RBPJL: variants seen among roughly 807,000 people sequenced by gnomAD.
The protein encoded by RBPJL is recombination signal binding protein for immunoglobulin kappa J region like.
In RBPJL, 50 loss-of-function variants were observed where a neutral mutation model predicts 57.6. The ratio of observed to expected loss-of-function variants is 0.87; its 90% confidence interval spans 0.69 to 1.10. The LOEUF (loss-of-function observed/expected upper bound fraction) is 1.10. Among genes scored for constraint, RBPJL ranks in the 50% least tolerant of loss-of-function variants. The pLI is 0.00. For missense variants in RBPJL, 684 were observed against 693.7 expected (o/e 0.99, Z 0.16); for synonymous variants, 303 against 294.4 (o/e 1.03, Z -0.30).
At chr20:45,308,643 G>A in intron 2 of RBPJL, 1 of 224,188 alleles carries the variant, frequency 4.5e-6, no homozygotes, top group Non-Finnish European at 9.1e-6. Context: ...CGAGGGTGCG[G>A]TCTTGCGCTG....
At chr20:45,309,467 C>G in intron 2 of RBPJL, 100 bp from the exon 3 acceptor site, 2 of 1,332,356 alleles carry the variant, frequency 1.5e-6, no homozygotes, top group Non-Finnish European at 2.0e-6. Context: ...CACTCTAACC[C>G]CCTGCTCACT....
At position 45,317,171 on chromosome 20, in the gene RBPJL, T is replaced by A. The variant is rs1232055516; in HGVS notation, c.*212T>A. ...CAGGAAGACAAGACCTGAGTGGTGC[T>A]GTCTTTGTGTCCGTCGTGTATGGCT... is the stretch of plus-strand genomic sequence containing the variant. On this transcript the variant is annotated 3_prime_UTR_variant, in exon 12 of 12. Transcript: ENST00000343694. The A allele has an allele frequency of 3.4e-6, 2 of 596,994 alleles. No homozygotes were observed. The highest frequency in any genetic ancestry group is 1.9e-5 in the African/African-American group (1 of 53,652). 37.0% of individuals were successfully genotyped at this position (596,994 alleles called of 1,614,324 possible). A position where few individuals can be genotyped will look rare whatever the true frequency, so the allele number is the denominator to read the frequency against.
chr20:45,316,909 A>G lies in RBPJL; in HGVS notation c.1504A>G (p.Ile502Val). Residue 502 changes from isoleucine to valine, a missense_variant, in exon 12 of 12, where the codon ATC becomes GTC. Ile to Val is a conservative substitution (Grantham distance 29). Coordinates refer to ENST00000343694, the MANE Select transcript of RBPJL (RefSeq NM_014276.4). ...ATDADALLES[I>V]HQEFTRTNFH... ...CGACGCCGACGCGCTCCTGGAGAGCATCCATCAGGAGTTCACGCGCACCAA... is the reference window on the plus strand; with the variant it reads ...CGACGCCGACGCGCTCCTGGAGAGCGTCCATCAGGAGTTCACGCGCACCAA... The G allele has an allele frequency of 6.2e-7, 1 of 1,613,540 alleles. No homozygotes were observed. Among genetic ancestry groups the G allele is most frequent in the Non-Finnish European group, 8.5e-7 (1 of 1,179,680 alleles).
chr20:45,308,110 G>T (rs779165332), intron 1 of RBPJL, 33 bp from the exon 2 acceptor site: 1 of 1,511,662 alleles, frequency 6.6e-7, no homozygotes, highest in Admixed American at 1.7e-5. Flanking sequence ...AAATACACTC[G>T]CCTGACCTGG....
At chr20:45,311,116 C>CAAAAAAAAAAAA (rs34206228) in intron 3 of RBPJL, among the ~76,000 whole-genome samples, 1 of 91,490 alleles carries the variant, frequency 1.1e-5, no homozygotes, top group Admixed American at 1.2e-4. Flanking sequence ...GACCCTGCCT[C>CAAAAAAAAAAAA]AAAAAAAAAA....
rs1175624602 is a variant in RBPJL at position 45,317,212 on chromosome 20, T to C, written c.*253T>C. 1.8e-6 allele frequency: 1 copy of C among 562,826 alleles called. No individual in the cohort carries two copies. The highest frequency in any genetic ancestry group is 1.9e-5 in the African/African-American group (1 of 52,852). The allele number at this position is 562,826 out of a possible 1,614,324, so 34.9% of individuals were successfully genotyped here. ...GTGTATGGCTCTCCCTGTCTTCATTTCTTCTCACTCTGTCTCTAAACCTCT... is the reference window on the plus strand; with the variant it reads ...GTGTATGGCTCTCCCTGTCTTCATTCCTTCTCACTCTGTCTCTAAACCTCT... On this transcript the variant is annotated 3_prime_UTR_variant, in exon 12 of 12. Transcript: ENST00000343694.
intron 6 of RBPJL, 56 bp from the exon 7 acceptor site, chr20:45,313,412 C>T: frequency 6.8e-7 from 1 of 1,465,178 alleles, no homozygotes; most frequent in Non-Finnish European, 9.3e-7. Flanking sequence ...AACCCTATCC[C>T]CTCACCCTAA....
chr20:45,317,411 A>C lies in RBPJL; in HGVS notation c.*452A>C, dbSNP rs1987528618. The C allele has an allele frequency of 6.0e-6, 1 of 165,420 alleles. No homozygotes were observed. Among genetic ancestry groups the C allele is most frequent in the Non-Finnish European group, 1.3e-5 (1 of 77,570 alleles). 10.2% of individuals were successfully genotyped at this position (165,420 alleles called of 1,614,324 possible). On this transcript the variant is annotated 3_prime_UTR_variant, in exon 12 of 12. Transcript: ENST00000343694. ...GCATCTGTGTCCCCTCTTGAAGAGA[A>C]AACACACAGCTTCACACATCCAGGC...
intron 6 of RBPJL, 64 bp downstream of exon 6, chr20:45,312,459 A>G: frequency 6.5e-7 from 1 of 1,528,922 alleles, no homozygotes; most frequent in East Asian, 2.3e-5. Flanking sequence ...CAGAACGGCT[A>G]AACTGGGGCG....
Position 45,316,845 on chromosome 20 carries a change from C to A in RBPJL, c.1440C>A (p.Ser480Arg). The change falls in exon 12 of 12, where the codon AGC (serine) becomes AGA (arginine). Residue 480 changes from serine (S) to arginine (R), a missense_variant. Transcript: ENST00000343694. The part of the protein sequence containing the change: ...AFSFTYTPEY[S>R]VRPGHPGVPE... ...CCTTCACCTACACCCCGGAATACAG[C>A]GTGCGGCCGGGTCACCCCGGCGTCC... 1 of 1,613,952 alleles carries A rather than the reference C, an allele frequency of 6.2e-7. No individual in the cohort carries two copies.
At chr20:45,316,053 G>A (rs1415070825) in intron 9 of RBPJL, 134 bp from the exon 10 acceptor site, 3 of 748,608 alleles carry the variant, frequency 4.0e-6, no homozygotes, top group Non-Finnish European at 6.4e-6. Flanking sequence ...CCAAGCTGAG[G>A]GGACAAGTGA....
At chr20:45,316,114 G>A in intron 9 of RBPJL, 73 bp from the exon 10 acceptor site, 11 of 1,490,056 alleles carry the variant, frequency 7.4e-6, no homozygotes, top group Non-Finnish European at 8.3e-6. Flanking sequence ...AGAAGCCCAC[G>A]CGCCATGCTG....
At chr20:45,313,227 G>A (rs1987278414) in intron 6 of RBPJL, among the ~76,000 whole-genome samples, 1 of 152,040 alleles carries the variant, frequency 6.6e-6, no homozygotes, top group Non-Finnish European at 1.5e-5. Flanking sequence ...AACCAAGCCA[G>A]GACAGGGCAC....
intron 2 of RBPJL, 121 bp from the exon 3 acceptor site, chr20:45,309,446 A>G: frequency 9.7e-7 from 1 of 1,032,416 alleles, no homozygotes; most frequent in Non-Finnish European, 1.4e-6. Flanking sequence ...GAGCAGCCCC[A>G]CCCTCCCACT....
Position 45,312,229 on chromosome 20 carries a change from C to T in RBPJL, c.453C>T (p.Gly151=), listed in dbSNP as rs2743331. The change falls in exon 6 of 12, where the codon GGC becomes GGT. Residue 151 remains glycine (G), a synonymous_variant. Transcript: ENST00000343694. ...ACCTGTGAGCCCCCTAGGAATTCGG[C>T]TGCGCCAAGACCCTGTACATCTCAG... ...FEQQPDSREF[G]CAKTLYISDA... is the part of the protein sequence containing the mutation. 33 of 1,614,100 alleles carry T rather than the reference C, an allele frequency of 2.0e-5. No homozygotes were observed. The highest frequency in any genetic ancestry group is 3.3e-5 in the Admixed American group (2 of 60,006).
intron 9 of RBPJL, 59 bp downstream of exon 9, chr20:45,314,624 C>A: frequency 6.5e-7 from 1 of 1,536,256 alleles, no homozygotes; most frequent in Non-Finnish European, 8.9e-7. Flanking sequence ...CAGAGAACCA[C>A]AGAATGTAAG....
Position 45,311,740 on chromosome 20 carries a change from A to C in RBPJL, c.328+81A>C, listed in dbSNP as rs558865662. 3.5e-4 allele frequency: 544 copies of C among 1,563,896 alleles called. 1 individual carries two copies. The highest frequency in any genetic ancestry group is 4.4e-4 in the Non-Finnish European group (506 of 1,142,582). Reference sequence around the variant, plus strand: ...TTGGGCCCGAGACGGGGCGGTTCGCAGGCGCAGTCTCCCCGCGCCCTCTGG... The same window carrying C: ...TTGGGCCCGAGACGGGGCGGTTCGCCGGCGCAGTCTCCCCGCGCCCTCTGG... On this transcript the variant is annotated intron_variant, in intron 4 of 11. Coordinates refer to ENST00000343694, the MANE Select transcript of RBPJL (RefSeq NM_014276.4).
intron 2 of RBPJL, among the ~76,000 whole-genome samples, chr20:45,308,931 G>C (rs1353672572): frequency 6.6e-6 from 1 of 152,130 alleles, no homozygotes; most frequent in African/African-American, 2.4e-5. Flanking sequence ...TCAAGGGTAG[G>C]AAAGCCCACA....
chr20:45,314,979 A>G (rs1987381736), intron 9 of RBPJL, among the ~76,000 whole-genome samples: 2 of 152,176 alleles, frequency 1.3e-5, no homozygotes, highest in South Asian at 2.1e-4. Flanking sequence ...GCTACTCAGG[A>G]GGCTGAGGCA....
Sources: allele counts gnomAD v4.1 joint callset (sites outside exome capture counted in the v4.1 genomes callset), GRCh38; gene constraint gnomAD v4.1.1; transcripts MANE v1.5; gene names NCBI Gene and HGNC (gene_info 2026-07-23, HGNC 2026-07-21).